Variants in PTPRD observed in about 807,000 individuals in gnomAD.
PTPRD encodes receptor-type tyrosine-protein phosphatase delta.
Under a neutral mutation model 214.5 loss-of-function variants are expected in PTPRD, and 34 were observed. The observed-to-expected ratio is 0.16, with a 90% CI of 0.12 to 0.21. The LOEUF (loss-of-function observed/expected upper bound fraction) is 0.21. PTPRD is among the 10% of genes least tolerant of loss of function. PTPRD has a pLI of 1.00. For missense variants in PTPRD, 2,545 were observed against 2,398.7 expected, an observed-to-expected ratio of 1.06 and a Z score of -1.27; for synonymous variants, 1,128 against 845.7, an observed-to-expected ratio of 1.33 and a Z score of -5.79.
chr9:10,484,404 A>G (rs761831013), intron 2 of PTPRD, among the ~76,000 whole-genome samples: 4 of 152,156 alleles, frequency 2.6e-5, no homozygotes, highest in Middle Eastern at 3.4e-3. Flanking sequence ...CAATTCATCT[A>G]TGTAACCAAA....
chr9:8,671,883 G>C (rs1221343625), intron 12 of PTPRD, among the ~76,000 whole-genome samples: 1 of 151,848 alleles, frequency 6.6e-6, no homozygotes, highest in Non-Finnish European at 1.5e-5. Context: ...AAACTCTCTT[G>C]GACAATTTCA....
intron 9 of PTPRD, among the ~76,000 whole-genome samples, chr9:9,367,450 G>C (rs540946230): frequency 6.6e-6 from 1 of 151,730 alleles, no homozygotes; most frequent in East Asian, 1.9e-4. Context: ...ATTGTATTTA[G>C]TGAAATAAAC....
At chr9:10,572,129 A>G (rs922317028) in intron 2 of PTPRD, among the ~76,000 whole-genome samples, 19 of 152,168 alleles carry the variant, frequency 1.2e-4, no homozygotes, top group Admixed American at 1.1e-3. Flanking sequence ...AAACAAAGCC[A>G]TATTTTCTCA....
intron 2 of PTPRD, among the ~76,000 whole-genome samples, chr9:10,352,744 T>A (rs2097204136): frequency 6.6e-6 from 1 of 152,034 alleles, no homozygotes; most frequent in Non-Finnish European, 1.5e-5. Flanking sequence ...TTGCTCTATA[T>A]ACTCACTATA....
chr9:10,288,036 T>C (rs2095416207), intron 3 of PTPRD, among the ~76,000 whole-genome samples: 2 of 151,582 alleles, frequency 1.3e-5, no homozygotes, highest in African/African-American at 2.4e-5. Flanking sequence ...AGTCTTAAGA[T>C]TGGGAGATGA....
chr9:9,417,012 G>C (rs977697735), intron 8 of PTPRD, among the ~76,000 whole-genome samples: 4 of 152,094 alleles, frequency 2.6e-5, no homozygotes, highest in African/African-American at 9.7e-5. Context: ...AGTAAGATCA[G>C]TGAACAAAAT....
intron 11 of PTPRD, among the ~76,000 whole-genome samples, chr9:8,741,827 G>A (rs1241394255): frequency 1.3e-5 from 2 of 151,822 alleles, no homozygotes; most frequent in African/African-American, 4.8e-5. Flanking sequence ...CTGATGTCGT[G>A]AGTGGCCCAT....
intron 7 of PTPRD, among the ~76,000 whole-genome samples, chr9:9,599,638 C>G (rs1215410939): frequency 6.7e-6 from 1 of 149,368 alleles, no homozygotes; most frequent in Non-Finnish European, 1.5e-5. Flanking sequence ...AATTTATCTT[C>G]TACTATACCA....
At chr9:10,385,948 T>G (rs2097906570) in intron 2 of PTPRD, among the ~76,000 whole-genome samples, 1 of 151,916 alleles carries the variant, frequency 6.6e-6, no homozygotes, top group African/African-American at 2.4e-5. Context: ...ATATTCTGTT[T>G]TATTAAAACA....
intron 3 of PTPRD, among the ~76,000 whole-genome samples, chr9:10,297,009 C>T (rs1224984299): frequency 6.6e-6 from 1 of 151,212 alleles, no homozygotes; most frequent in Non-Finnish European, 1.5e-5. Flanking sequence ...GCTACTCATA[C>T]TTTTTGATTG....
At chr9:9,413,590 T>C (rs540151440) in intron 8 of PTPRD, among the ~76,000 whole-genome samples, 85 of 152,338 alleles carry the variant, frequency 5.6e-4, no homozygotes, top group African/African-American at 1.9e-3. Context: ...CTAGAAATTA[T>C]ATAAACTCTC....
At chr9:9,699,669 A>C (rs975099624) in intron 7 of PTPRD, among the ~76,000 whole-genome samples, 4 of 152,190 alleles carry the variant, frequency 2.6e-5, no homozygotes, top group Non-Finnish European at 4.4e-5. Context: ...TCACAACAGC[A>C]GGGCTTCTAT....
At chr9:9,456,856 C>T (rs111724139) in intron 8 of PTPRD, among the ~76,000 whole-genome samples, 11 of 151,808 alleles carry the variant, frequency 7.2e-5, no homozygotes, top group African/African-American at 2.7e-4. Context: ...AGAATTGAGA[C>T]CTTGAGCTCT....
At chr9:9,947,638 A>T (rs1370665016) in intron 4 of PTPRD, among the ~76,000 whole-genome samples, 3 of 98,188 alleles carry the variant, frequency 3.1e-5, no homozygotes, top group Non-Finnish European at 3.9e-5. Flanking sequence ...TATATATTTT[A>T]TATATATATA....
At chr9:8,379,642 C>T (rs755880377) in intron 37 of PTPRD, among the ~76,000 whole-genome samples, 26 of 152,204 alleles carry the variant, frequency 1.7e-4, no homozygotes, top group Admixed American at 9.2e-4. Flanking sequence ...CCTACTCGGT[C>T]TTCTTAAGAG....
intron 10 of PTPRD, among the ~76,000 whole-genome samples, chr9:9,056,000 A>T (rs1158354813): frequency 1.3e-5 from 2 of 152,016 alleles, no homozygotes; most frequent in East Asian, 3.9e-4. Context: ...TCTGGTGAAC[A>T]GTTTTGGTTC....
At chr9:9,772,531 A>G (rs1302364307) in intron 5 of PTPRD, among the ~76,000 whole-genome samples, 4 of 151,200 alleles carry the variant, frequency 2.6e-5, no homozygotes, top group African/African-American at 9.7e-5. Flanking sequence ...CCTAGGTTTC[A>G]AAGGGTTGTC....
At chr9:9,232,507 T>A (rs1276474432) in intron 9 of PTPRD, among the ~76,000 whole-genome samples, 1 of 152,164 alleles carries the variant, frequency 6.6e-6, no homozygotes, top group South Asian at 2.1e-4. Context: ...TGTTAAAAGA[T>A]CATTGCATGG....
At chr9:10,211,290 A>G (rs544545177) in intron 3 of PTPRD, among the ~76,000 whole-genome samples, 46 of 152,302 alleles carry the variant, frequency 3.0e-4, no homozygotes, top group Admixed American at 2.8e-3. Flanking sequence ...ATTCTAAAAC[A>G]AGGAAAAATA....
Sources: allele counts gnomAD v4.1 joint callset (sites outside exome capture counted in the v4.1 genomes callset), GRCh38; gene constraint gnomAD v4.1.1; transcripts MANE v1.5; gene names NCBI Gene and HGNC (gene_info 2026-07-23, HGNC 2026-07-21).